Variants in DNAJC6 observed in about 807,000 individuals in gnomAD.
The protein encoded by DNAJC6 is auxilin.
DNAJC6 carries 34 observed loss-of-function variants against 110.0 expected under a neutral mutation model. The ratio of observed to expected loss-of-function variants is 0.31; its 90% CI spans 0.24 to 0.41. The LOEUF (loss-of-function observed/expected upper bound fraction) is 0.41, where lower values mean the gene tolerates loss of function less well. DNAJC6 is among the 10% of genes least tolerant of loss of function. The probability of loss-of-function intolerance (pLI) is 1.00; values close to 1 mark genes in which losing one functional copy is unlikely to be tolerated. For synonymous variants in DNAJC6, 406 were observed against 437.2 expected, an observed-to-expected ratio of 0.93 and a Z score of 0.89; for missense variants, 1,031 against 1,207.8, an observed-to-expected ratio of 0.85 and a Z score of 2.17.
chr1:65,301,956 AAGT>A (rs1243968924), intron 1 of DNAJC6, among the ~76,000 whole-genome samples: 2 of 151,348 alleles, frequency 1.3e-5, no homozygotes, highest in Non-Finnish European at 2.9e-5. Flanking sequence ...GGACAGGTGA[AAGT>A]AGGGAGGTAG....
chr1:65,287,407 T>C (rs771856076), intron 1 of DNAJC6, among the ~76,000 whole-genome samples: 2 of 152,314 alleles, frequency 1.3e-5, no homozygotes, highest in South Asian at 4.1e-4. Context: ...CTCACTTCCT[T>C]ATCTCCTTCT....
At chr1:65,335,608 C>T (rs1412214662) in intron 1 of DNAJC6, among the ~76,000 whole-genome samples, 1 of 152,082 alleles carries the variant, frequency 6.6e-6, no homozygotes, top group African/African-American at 2.4e-5. Context: ...CCGCGTGGCT[C>T]ACTGGGGGAA....
rs747328051 is a variant in DNAJC6, at chr1:65,379,466, G to A, written c.608G>A (p.Arg203Gln). Residue 203 changes from arginine to glutamine, a missense_variant, in exon 5 of 19, where the codon CGG becomes CAG. By Grantham distance (43) the Arg-to-Gln change is conservative. Transcript: ENST00000371069. The stretch of plus-strand genomic sequence containing the variant: ...CTGCACAACCTTTTTGCTGTGTGTC[G>A]GAATATGTATAACTGGCTACTGCAG... ...PSLHNLFAVCRNMYNWLLQNP... is the reference protein window; with the variant it reads ...PSLHNLFAVCQNMYNWLLQNP... 1.2e-5 allele frequency: 19 copies of A among 1,613,970 alleles called. No individual in the cohort carries two copies. The highest frequency in any genetic ancestry group is 4.4e-5 in the South Asian group (4 of 91,080).
At chr1:65,314,417 T>C (rs1452011530) in intron 1 of DNAJC6, among the ~76,000 whole-genome samples, 1 of 152,198 alleles carries the variant, frequency 6.6e-6, no homozygotes, top group Non-Finnish European at 1.5e-5. Flanking sequence ...CTAATAATCC[T>C]TTCTTAAGAA....
upstream of DNAJC6, among the ~76,000 whole-genome samples, chr1:65,305,994 T>A (rs559608084): frequency 6.6e-6 from 1 of 151,896 alleles, no homozygotes; most frequent in Non-Finnish European, 1.5e-5. Context: ...AGGAGAAAAA[T>A]GAGGCAGAGA....
intron 1 of DNAJC6, among the ~76,000 whole-genome samples, chr1:65,292,334 T>G (rs201730563): frequency 2.7e-4 from 37 of 135,802 alleles, no homozygotes; most frequent in African/African-American, 9.6e-4. Flanking sequence ...TTTTTTTTTG[T>G]TTTTTTTTTT....
intron 1 of DNAJC6, among the ~76,000 whole-genome samples, chr1:65,299,174 C>T (rs1249879218): frequency 6.6e-6 from 1 of 152,158 alleles, no homozygotes; most frequent in African/African-American, 2.4e-5. Context: ...AATAAAAATA[C>T]CCCCACTTAT....
chr1:65,360,619 A>G (rs1645588233), intron 1 of DNAJC6, among the ~76,000 whole-genome samples: 1 of 152,228 alleles, frequency 6.6e-6, no homozygotes, highest in Non-Finnish European at 1.5e-5. Flanking sequence ...ATTTAAAACA[A>G]AAACATGATA....
At chr1:65,278,560 T>A (rs1653748157) in intron 1 of DNAJC6, among the ~76,000 whole-genome samples, 1 of 152,228 alleles carries the variant, frequency 6.6e-6, no homozygotes, top group Non-Finnish European at 1.5e-5. Flanking sequence ...TGCTGGTTTT[T>A]AAACCAGTTT....
At position 65,275,924 on chromosome 1, in the gene DNAJC6, T is replaced by C. The variant is rs1173291001; in HGVS notation, c.-131+10992T>C. Among the ~76,000 whole-genome samples, 21 of 146,654 alleles carry C rather than the reference T, an allele frequency of 1.4e-4. 1 individual carries two copies. The East Asian group carries it at 4.2e-3, about 30-fold the overall frequency. ...CTTTTTTTTTTTTTTTGAGACAGAG[T>C]CTCCCTCTGTTGCCCAGGCTGCAGT... On this transcript the variant is annotated intron_variant, in intron 1 of 19. Transcript: ENST00000263441.
chr1:65,328,113 A>T (rs1377727778), intron 1 of DNAJC6, among the ~76,000 whole-genome samples: 1 of 152,242 alleles, frequency 6.6e-6, no homozygotes, highest in Admixed American at 6.5e-5. Flanking sequence ...ACATAAACAC[A>T]TACACACATA....
chr1:65,267,853 G>T (rs1401038772), intron 1 of DNAJC6, among the ~76,000 whole-genome samples: 1 of 150,502 alleles, frequency 6.6e-6, no homozygotes, highest in Non-Finnish European at 1.5e-5. Flanking sequence ...GGTATGTGTT[G>T]ACAGAGACCA....
At chr1:65,311,916 T>C (rs1251229959) in intron 1 of DNAJC6, among the ~76,000 whole-genome samples, 1 of 152,170 alleles carries the variant, frequency 6.6e-6, no homozygotes, top group Non-Finnish European at 1.5e-5. Flanking sequence ...AACACAGTAG[T>C]GAATGAGATC....
At chr1:65,273,831 G>A (rs963374447) in intron 1 of DNAJC6, among the ~76,000 whole-genome samples, 25 of 152,174 alleles carry the variant, frequency 1.6e-4, no homozygotes, top group Admixed American at 1.4e-3. Context: ...ACTGTAGTCA[G>A]AGAATATATT....
Position 65,309,580 on chromosome 1 carries a change from C to G in DNAJC6, c.-166C>G, listed in dbSNP as rs953016668. ...GCCCAGGGCGGCGGCTTCGCCTCGCCCGGCGAAGCTTCTCTCCGGTGGCCG... is the reference window on the plus strand; with the variant it reads ...GCCCAGGGCGGCGGCTTCGCCTCGCGCGGCGAAGCTTCTCTCCGGTGGCCG... On this transcript the variant is annotated 5_prime_UTR_variant, in exon 1 of 19. Coordinates refer to ENST00000371069, the MANE Select transcript of DNAJC6 (RefSeq NM_001256864.2). 138 of 1,303,908 alleles carry G rather than the reference C, an allele frequency of 1.1e-4. No individual in the cohort carries two copies. Among genetic ancestry groups the G allele is most frequent in the Non-Finnish European group, 1.2e-4 (128 of 1,030,612 alleles). 80.8% of individuals were successfully genotyped at this position (1,303,908 alleles called of 1,614,324 possible). A position where few individuals can be genotyped will look rare whatever the true frequency, so the allele number is the denominator to read the frequency against.
intron 1 of DNAJC6, among the ~76,000 whole-genome samples, chr1:65,354,866 A>C (rs1557537980): frequency 6.6e-6 from 1 of 152,142 alleles, no homozygotes; most frequent in South Asian, 2.1e-4. Flanking sequence ...CCAATTTTTT[A>C]ATTGATTTTT....
chr1:65,394,342 C>G (rs1203843177), intron 12 of DNAJC6, among the ~76,000 whole-genome samples: 1 of 152,130 alleles, frequency 6.6e-6, no homozygotes, highest in Non-Finnish European at 1.5e-5. Context: ...TCTATCCCCC[C>G]AAGAGGAAGT....
chr1:65,364,705 G>A lies in DNAJC6; in HGVS notation c.264G>A (p.Gly88=), dbSNP rs139946043. The A allele has an allele frequency of 9.2e-5, 148 of 1,613,202 alleles. No individual in the cohort carries two copies. The highest frequency in any genetic ancestry group is 1.8e-4 in the Admixed American group (11 of 59,924). ...TTGACATGGTAAAAGGAGGTGCAGG[G>A]AGGCTCTTTAGTAACCTAAAGGACA... ...GLFDMVKGGA[G]RLFSNLKDNL... is the part of the protein sequence containing the mutation. The change falls in exon 2 of 19, where the codon GGG becomes GGA. Residue 88 remains glycine, a synonymous_variant. Transcript: ENST00000371069.
chr1:65,314,536 C>A (rs1483251852), intron 1 of DNAJC6, among the ~76,000 whole-genome samples: 3 of 152,066 alleles, frequency 2.0e-5, no homozygotes, highest in African/African-American at 7.2e-5. Flanking sequence ...GTTGCCCAGG[C>A]TGGAGTGCAG....
Sources: allele counts gnomAD v4.1 joint callset (sites outside exome capture counted in the v4.1 genomes callset), GRCh38; gene constraint gnomAD v4.1.1; transcripts MANE v1.5; gene names NCBI Gene and HGNC (gene_info 2026-07-23, HGNC 2026-07-21).